KLKB1: variants seen among roughly 807,000 people sequenced by gnomAD.
The protein encoded by KLKB1 is kallikrein B1.
KLKB1 carries 58 observed loss-of-function variants against 73.6 expected under a neutral mutation model. The observed-to-expected ratio is 0.79, with a 90% confidence interval of 0.64 to 0.98. The LOEUF is 0.98. Ranked by LOEUF, KLKB1 falls within the 50% of genes least tolerant of loss-of-function variation. The pLI is 0.00. For missense variants in KLKB1, 737 were observed against 763.8 expected (o/e 0.96, Z 0.41); for synonymous variants, 280 against 258.1 (o/e 1.08, Z -0.81).
intron 14 of KLKB1, 120 bp downstream of exon 14, chr4:186,257,485 A>C: frequency 1.4e-6 from 1 of 737,706 alleles, no homozygotes; most frequent in Non-Finnish European, 2.0e-6. Context: ...AAATGATCTG[A>C]TAAATTGATA....
At chr4:186,244,724 T>C (rs1296765074) in intron 6 of KLKB1, among the ~76,000 whole-genome samples, 1 of 152,164 alleles carries the variant, frequency 6.6e-6, no homozygotes, top group Admixed American at 6.5e-5. Context: ...AACTAACCTG[T>C]AAGGCTTGTC....
upstream of KLKB1, among the ~76,000 whole-genome samples, chr4:186,222,281 C>G (rs1182354754): frequency 2.0e-5 from 3 of 152,164 alleles, no homozygotes; most frequent in Non-Finnish European, 4.4e-5. Context: ...TAGGTAAAGG[C>G]TTACTACTAT....
At chr4:186,229,324 A>G (rs3775298) in intron 2 of KLKB1, among the ~76,000 whole-genome samples, 89,493 of 152,020 alleles carry the variant, frequency 0.59, 27,208 homozygotes, top group African/African-American at 0.74. Context: ...AGAAACAGTC[A>G]TCGTTAAACA....
intron 6 of KLKB1, among the ~76,000 whole-genome samples, chr4:186,244,596 T>C (rs988533688): frequency 1.2e-4 from 18 of 152,056 alleles, no homozygotes; most frequent in Non-Finnish European, 2.2e-4. Context: ...AAAGCATGTT[T>C]GAGATCCAGA....
rs771439943 is a variant in KLKB1 at position 186,252,122 on chromosome 4, A to T, written c.1250A>T (p.His417Leu). ...CAGGTGAAGCTGACAGCTCAGAGGC[A>T]CCTGTGTGGAGGGTCACTCATAGGA... ...SLQVKLTAQR[H>L]LCGGSLIGHQ... Residue 417 changes from histidine (H) to leucine (L), a missense_variant, in exon 11 of 15, where the codon CAC becomes CTC. Physicochemically the swap from His to Leu is moderately conservative, Grantham distance 99 (BLOSUM62 -3). Coordinates refer to ENST00000264690, the MANE Select transcript of KLKB1 (RefSeq NM_000892.5). The T allele has an allele frequency of 1.9e-6, 3 of 1,613,986 alleles. No individual in the cohort carries two copies. The highest frequency in any genetic ancestry group is 2.5e-6 in the Non-Finnish European group (3 of 1,180,024).
At chr4:186,248,234 CAAG>C in intron 6 of KLKB1, among the ~76,000 whole-genome samples, 1 of 151,044 alleles carries the variant, frequency 6.6e-6, no homozygotes. Context: ...GGCGACAGAG[CAAG>C]ACTCCATCTC....
intron 6 of KLKB1, among the ~76,000 whole-genome samples, chr4:186,242,541 C>T (rs1738111509): frequency 6.6e-6 from 1 of 152,004 alleles, no homozygotes. Flanking sequence ...TTAGAAGCAG[C>T]ATTTGTCATA....
chr4:186,255,436 G>A (rs982469269), intron 12 of KLKB1, among the ~76,000 whole-genome samples: 6 of 152,126 alleles, frequency 3.9e-5, no homozygotes, highest in African/African-American at 7.2e-5. Flanking sequence ...GTGTGGTGGT[G>A]TGCACCTGTA....
chr4:186,244,181 G>A (rs1048575124), intron 6 of KLKB1, among the ~76,000 whole-genome samples: 2 of 152,146 alleles, frequency 1.3e-5, no homozygotes, highest in African/African-American at 2.4e-5. Context: ...TGTTTTTAAG[G>A]AATGGCAAGA....
chr4:186,236,003 A>G (rs1487930279), intron 4 of KLKB1, among the ~76,000 whole-genome samples: 5 of 151,168 alleles, frequency 3.3e-5, no homozygotes, highest in Non-Finnish European at 2.9e-5. Context: ...AGTCCCAGCT[A>G]CTCGGGAGGC....
intron 6 of KLKB1, among the ~76,000 whole-genome samples, chr4:186,249,401 C>T (rs1336399666): frequency 6.6e-6 from 1 of 152,120 alleles, no homozygotes; most frequent in East Asian, 1.9e-4. Flanking sequence ...TCTTGAAACC[C>T]TTTTCAAAAT....
At chr4:186,254,917 C>A (rs139868564) in intron 12 of KLKB1, among the ~76,000 whole-genome samples, 154 bp downstream of exon 12, 5 of 152,106 alleles carry the variant, frequency 3.3e-5, no homozygotes, top group Non-Finnish European at 5.9e-5. Flanking sequence ...GTGAAGACCC[C>A]GCGACTTGCC....
intron 2 of KLKB1, among the ~76,000 whole-genome samples, chr4:186,231,660 G>T (rs1371360644): frequency 6.6e-6 from 1 of 152,288 alleles, no homozygotes; most frequent in East Asian, 1.9e-4. Flanking sequence ...CTGAGACTCA[G>T]TTATTTAACT....
upstream of KLKB1, among the ~76,000 whole-genome samples, chr4:186,223,946 G>T (rs139213448): frequency 3.9e-3 from 601 of 152,322 alleles, 1 homozygote; most frequent in Non-Finnish European, 6.6e-3. Context: ...GGTTTCATGG[G>T]CCCTGCTGCT....
intron 2 of KLKB1, among the ~76,000 whole-genome samples, chr4:186,231,089 G>C (rs1181241127): frequency 6.6e-6 from 1 of 152,142 alleles, no homozygotes; most frequent in Non-Finnish European, 1.5e-5. Context: ...CAGGGGGTAG[G>C]ATAGTGCAGA....
intron 4 of KLKB1, among the ~76,000 whole-genome samples, chr4:186,234,932 C>T (rs1169024194): frequency 6.6e-6 from 1 of 152,178 alleles, no homozygotes; most frequent in African/African-American, 2.4e-5. Flanking sequence ...TATATCATTA[C>T]TATTTTATTT....
chr4:186,251,931 G>A, intron 10 of KLKB1, 70 bp downstream of exon 10: 1 of 1,606,952 alleles, frequency 6.2e-7, no homozygotes, highest in East Asian at 2.2e-5. Context: ...TTAGTCTTAA[G>A]GAATTATGTG....
chr4:186,230,298 T>C (rs1293874134), intron 2 of KLKB1, among the ~76,000 whole-genome samples: 1 of 152,246 alleles, frequency 6.6e-6, no homozygotes, highest in Non-Finnish European at 1.5e-5. Flanking sequence ...AACTTGGCTA[T>C]ATTTGTGATT....
chr4:186,231,330 G>C (rs188532305), intron 2 of KLKB1, among the ~76,000 whole-genome samples: 145 of 152,268 alleles, frequency 9.5e-4, no homozygotes, highest in African/African-American at 3.4e-3. Flanking sequence ...GTCTTTCCCG[G>C]TAAATCCAAA....
Sources: allele counts gnomAD v4.1 joint callset (sites outside exome capture counted in the v4.1 genomes callset), GRCh38; gene constraint gnomAD v4.1.1; transcripts MANE v1.5; gene names NCBI Gene and HGNC (gene_info 2026-07-23, HGNC 2026-07-21).